Variants in PCDH11X observed in about 807,000 individuals in gnomAD.
The protein encoded by PCDH11X is protocadherin-11 X-linked.
PCDH11X carries 18 observed loss-of-function variants against 53.3 expected under a neutral mutation model. The ratio of observed to expected loss-of-function variants is 0.34; its 90% CI spans 0.23 to 0.50. The LOEUF is 0.50. Among genes scored for constraint, PCDH11X ranks in the 20% least tolerant of loss-of-function variants. The pLI is 0.98. For synonymous variants in PCDH11X, 279 were observed against 393.3 expected (o/e 0.71, Z 3.44); for missense variants, 570 against 1,032.4 (o/e 0.55, Z 6.14).
intron 9 of PCDH11X, among the ~76,000 whole-genome samples, chrX:92,409,947 AT>A (rs1426899971): frequency 1.8e-5 from 2 of 111,729 alleles, no homozygotes; most frequent in Admixed American, 9.6e-5. Context: ...TTTAAAGCCT[AT>A]TTTTTTAGCA....
chrX:92,387,678 A>T, intron 8 of PCDH11X, 57 bp from the exon 9 acceptor site: 1 of 1,211,944 alleles, frequency 8.3e-7, no homozygotes. Context: ...AAATTGCAGC[A>T]TTAAGCAATT....
chrX:91,937,275 G>A (rs759451354), intron 6 of PCDH11X, among the ~76,000 whole-genome samples: 153 of 110,289 alleles, frequency 1.4e-3, no homozygotes, highest in African/African-American at 4.3e-3. Context: ...GAATCTAGTC[G>A]AATTTACACA....
intron 6 of PCDH11X, among the ~76,000 whole-genome samples, chrX:92,070,264 C>T (rs2063678850): frequency 9.0e-6 from 1 of 111,104 alleles, no homozygotes; most frequent in African/African-American, 3.3e-5. Context: ...TTAATATTCC[C>T]CATGAGTTTT....
intron 8 of PCDH11X, among the ~76,000 whole-genome samples, chrX:92,374,235 C>T (rs1420553889): frequency 9.3e-6 from 1 of 107,019 alleles, no homozygotes; most frequent in Non-Finnish European, 1.9e-5. Flanking sequence ...ATTTTCCTGG[C>T]CATTTCTCTT....
intron 4 of PCDH11X, among the ~76,000 whole-genome samples, chrX:91,823,528 T>C (rs914075562): frequency 9.0e-6 from 1 of 111,444 alleles, no homozygotes; most frequent in African/African-American, 3.3e-5. Context: ...ATTTGCTTGG[T>C]AGATCTTCCT....
At chrX:92,024,791 C>G (rs1271432134) in intron 6 of PCDH11X, among the ~76,000 whole-genome samples, 16 of 102,895 alleles carry the variant, frequency 1.6e-4, no homozygotes, top group Admixed American at 4.2e-4. Context: ...AACTATACTA[C>G]AAGGCTACAA....
intron 6 of PCDH11X, among the ~76,000 whole-genome samples, chrX:92,090,140 C>T (rs1429172565): frequency 1.8e-5 from 2 of 110,853 alleles, no homozygotes; most frequent in Non-Finnish European, 3.8e-5. Context: ...TAATAGATTC[C>T]GTTCATGAGG....
chrX:92,305,640 A>G (rs1404345935), intron 8 of PCDH11X, among the ~76,000 whole-genome samples: 1 of 108,405 alleles, frequency 9.2e-6, no homozygotes, highest in Non-Finnish European at 1.9e-5. Flanking sequence ...GGGGGGATCT[A>G]TTCAGTTTAT....
At chrX:92,326,622 C>CTATATATATATATATATATAATA (rs1160866218) in intron 8 of PCDH11X, among the ~76,000 whole-genome samples, 2 of 45,805 alleles carry the variant, frequency 4.4e-5, no homozygotes, top group African/African-American at 3.0e-4. Flanking sequence ...TTTTAATAAA[C>CTATATATATATATATATATAATA]TATATATATA....
intron 6 of PCDH11X, among the ~76,000 whole-genome samples, chrX:92,048,889 T>A (rs2063329791): frequency 8.9e-6 from 1 of 112,284 alleles, no homozygotes; most frequent in Non-Finnish European, 1.9e-5. Context: ...TCAAATACAT[T>A]TAAGAAATAC....
intron 6 of PCDH11X, among the ~76,000 whole-genome samples, chrX:92,019,983 A>G (rs2525139): frequency 8.9e-6 from 1 of 111,929 alleles, no homozygotes; most frequent in Non-Finnish European, 1.9e-5. Flanking sequence ...GGAGCCCCCA[A>G]TCCCAAGCCA....
At chrX:92,376,531 G>A (rs1417203233) in intron 8 of PCDH11X, among the ~76,000 whole-genome samples, 1 of 111,330 alleles carries the variant, frequency 9.0e-6, no homozygotes, top group Non-Finnish European at 1.9e-5. Flanking sequence ...CAACAATAGG[G>A]CTAACTTAAT....
At position 91,843,302 on chromosome X, in the gene PCDH11X, T is replaced by TGTGC. The variant is rs1556273028; in HGVS notation, c.540+7258_540+7259insGTGC. ...GTGTGTGTGTGTGTGTGTGTGTGTG[T>TGTGC]ATCTTTTTTCTTTCTTTTTCTTTGT... On this transcript the variant is annotated intron_variant, in intron 5 of 10. Transcript: ENST00000682573. Among the ~76,000 whole-genome samples, 237 of 103,044 alleles carry TGTGC rather than the reference T, an allele frequency of 2.3e-3. 2 individuals carry two copies. The highest frequency in any genetic ancestry group is 8.1e-3 in the African/African-American group (232 of 28,530). 89.5% of individuals were successfully genotyped at this position (103,044 alleles called of 115,157 possible).
chrX:92,544,595 C>G (rs1389637950), intron 10 of PCDH11X, among the ~76,000 whole-genome samples: 2 of 109,021 alleles, frequency 1.8e-5, no homozygotes, highest in African/African-American at 6.7e-5. Context: ...TTGGTCTTGT[C>G]TTATGTGAAC....
intron 6 of PCDH11X, among the ~76,000 whole-genome samples, chrX:92,035,146 T>A (rs762298407): frequency 8.9e-6 from 1 of 111,797 alleles, no homozygotes; most frequent in African/African-American, 3.3e-5. Context: ...TGTTTAGCCT[T>A]TCTACTTAGG....
chrX:92,416,782 TA>T (rs58094896), intron 9 of PCDH11X, among the ~76,000 whole-genome samples: 19,020 of 110,707 alleles, frequency 0.17, 1,631 homozygotes, highest in African/African-American at 0.32. Flanking sequence ...TACCCCTTTT[TA>T]AAAAAGTTAA....
intron 6 of PCDH11X, among the ~76,000 whole-genome samples, chrX:91,939,732 A>T (rs1348186842): frequency 9.0e-6 from 1 of 110,826 alleles, no homozygotes; most frequent in Non-Finnish European, 1.9e-5. Flanking sequence ...GTCTACCTAG[A>T]ATTTTGTATC....
At chrX:91,807,515 G>A (rs902184657) in intron 1 of PCDH11X, among the ~76,000 whole-genome samples, 12 of 110,454 alleles carry the variant, frequency 1.1e-4, no homozygotes, top group Non-Finnish European at 2.3e-4. Flanking sequence ...TGGTGAAGTA[G>A]TATTTTAATT....
At chrX:92,163,202 G>A (rs1381531541) in intron 6 of PCDH11X, among the ~76,000 whole-genome samples, 1 of 110,157 alleles carries the variant, frequency 9.1e-6, no homozygotes, top group African/African-American at 3.3e-5. Flanking sequence ...CCAAAACAGT[G>A]CTGAGTTTGT....
Sources: gnomAD v4.1 joint callset for allele counts (sites outside exome capture counted in the v4.1 genomes callset) on GRCh38, gnomAD v4.1.1 for gene constraint, MANE v1.5 for transcripts, NCBI Gene and HGNC (gene_info 2026-07-23, HGNC 2026-07-21) for gene names.